The following CDH18 variants were observed in gnomAD, a reference collection of about 807,000 sequenced individuals.
CDH18 encodes the protein cadherin-18.
CDH18 carries 31 observed loss-of-function variants against 67.9 expected under a neutral mutation model. That is an observed-to-expected ratio of 0.46 (90% CI 0.34 to 0.62). The LOEUF (loss-of-function observed/expected upper bound fraction) is 0.62, where lower values mean the gene tolerates loss of function less well. CDH18 is among the 20% of genes least tolerant of loss of function. The pLI, the probability that CDH18 is intolerant of heterozygous loss-of-function variation, is 0.01. For missense variants in CDH18, 890 were observed against 975.5 expected (o/e 0.91, Z 1.17); for synonymous variants, 362 against 347.2 (o/e 1.04, Z -0.48).
chr5:19,901,609 G>T (rs1309695546), intron 2 of CDH18, among the ~76,000 whole-genome samples: 1 of 151,846 alleles, frequency 6.6e-6, no homozygotes, highest in Admixed American at 6.6e-5. Flanking sequence ...ATTTAATAAT[G>T]TTCTAAAAAT....
rs562782979 is a variant in CDH18 at position 20,260,655 on chromosome 5, T to C, written c.-579-5150A>G. 3.3e-5 allele frequency among the ~76,000 whole-genome samples: 5 copies of C among 152,254 alleles called. No homozygotes were observed. In the South Asian group the frequency reaches 1.0e-3, roughly 32 times the overall value. On this transcript the variant is annotated intron_variant, in intron 1 of 14. Transcript: ENST00000507958. ...CATTTTACCTTGAGTGTGGGTAGGA[T>C]CTAAGAATATGATGGGATAGTCAGC...
chr5:20,364,107 C>A (rs1283964917), intron 1 of CDH18, among the ~76,000 whole-genome samples: 1 of 151,964 alleles, frequency 6.6e-6, no homozygotes, highest in South Asian at 2.1e-4. Context: ...CTTTTATTAT[C>A]GTTAATGTTG....
intron 1 of CDH18, among the ~76,000 whole-genome samples, chr5:20,428,138 C>T (rs1412910033): frequency 1.3e-5 from 2 of 150,722 alleles, no homozygotes; most frequent in Non-Finnish European, 2.9e-5. Context: ...ATGTTCCCCT[C>T]CCTGTGTCCA....
At chr5:20,273,649 T>C (rs1358236794) in intron 1 of CDH18, among the ~76,000 whole-genome samples, 1 of 152,062 alleles carries the variant, frequency 6.6e-6, no homozygotes, top group African/African-American at 2.4e-5. Flanking sequence ...CTAAAAAAAA[T>C]ACATATTTTA....
At position 20,172,948 on chromosome 5, in the gene CDH18, C is replaced by A. The variant is rs6881385; in HGVS notation, c.-518+82496G>T. Among the ~76,000 whole-genome samples the A allele has an allele frequency of 5.7e-3, 866 of 150,864 alleles. 9 individuals carry two copies. The highest frequency in any genetic ancestry group is 0.02 in the African/African-American group (830 of 40,950). ...GAGGTTGCAGTGAGCCGAGATCGCA[C>A]CATTTCACTCCAGCCTGGGCAACAA... On this transcript the variant is annotated intron_variant, in intron 2 of 14. Transcript: ENST00000507958.
intron 1 of CDH18, among the ~76,000 whole-genome samples, chr5:20,506,625 T>A (rs1311501993): frequency 1.3e-5 from 2 of 152,176 alleles, no homozygotes; most frequent in Admixed American, 6.5e-5. Context: ...TGAGACACTG[T>A]AAAGTAAGGG....
intron 1 of CDH18, among the ~76,000 whole-genome samples, chr5:20,352,733 C>T (rs1741305710): frequency 1.3e-5 from 2 of 151,630 alleles, no homozygotes; most frequent in Non-Finnish European, 2.9e-5. Flanking sequence ...GCAGAGCTTG[C>T]AGTGAGCCAA....
intron 1 of CDH18, among the ~76,000 whole-genome samples, chr5:20,256,988 C>CTA (rs746507736): frequency 5.6e-4 from 68 of 122,214 alleles, no homozygotes; most frequent in African/African-American, 2.0e-3. Context: ...ATATCTATAT[C>CTA]TATCTATCTA....
chr5:19,848,992 C>T (rs536348566), intron 2 of CDH18, among the ~76,000 whole-genome samples: 1 of 150,856 alleles, frequency 6.6e-6, no homozygotes, highest in African/African-American at 2.4e-5. Flanking sequence ...TATATAAAAG[C>T]TAAGGCTATG....
chr5:19,838,234 G>C (rs1781890435), intron 3 of CDH18, among the ~76,000 whole-genome samples: 1 of 151,668 alleles, frequency 6.6e-6, no homozygotes, highest in African/African-American at 2.4e-5. Context: ...GATTTTAAAG[G>C]CTAAAAGTAC....
In CDH18 at chr5:19,929,930, G is replaced by A. The variant is rs562207344; in HGVS notation, c.-257+51130C>T. Among the ~76,000 whole-genome samples, 47 of 152,150 alleles carry A rather than the reference G, an allele frequency of 3.1e-4. 1 individual carries two copies. The South Asian group carries it at 9.3e-3, about 30-fold the overall frequency. On this transcript the variant is annotated intron_variant, in intron 2 of 12. Coordinates refer to ENST00000382275, the MANE Select transcript of CDH18 (RefSeq NM_004934.5). ...AATGGCTTTCTGCAGCAGGAAAAACGTTGGTTTAGGCTCCTGTAGAGGTTG... is the reference window on the plus strand; with the variant it reads ...AATGGCTTTCTGCAGCAGGAAAAACATTGGTTTAGGCTCCTGTAGAGGTTG...
At chr5:20,172,214 A>ACGTATATATATATATACG (rs796558819) in intron 2 of CDH18, among the ~76,000 whole-genome samples, 7 of 32,856 alleles carry the variant, frequency 2.1e-4, no homozygotes, top group Non-Finnish European at 3.6e-4. Flanking sequence ...ATATATATAT[A>ACGTATATATATATATACG]TATATATATG....
chr5:20,261,291 G>GA (rs1474502684), intron 1 of CDH18, among the ~76,000 whole-genome samples: 1 of 151,692 alleles, frequency 6.6e-6, no homozygotes, highest in Non-Finnish European at 1.5e-5. Flanking sequence ...TAAATTTTTA[G>GA]AAAAAACAAA....
intron 2 of CDH18, among the ~76,000 whole-genome samples, chr5:19,852,944 T>C (rs575937466): frequency 6.6e-6 from 1 of 152,132 alleles, no homozygotes; most frequent in African/African-American, 2.4e-5. Flanking sequence ...ATTGGATGTG[T>C]ACATCAGCAT....
At chr5:20,559,316 G>A (rs1318737459) in intron 1 of CDH18, among the ~76,000 whole-genome samples, 1 of 151,958 alleles carries the variant, frequency 6.6e-6, no homozygotes, top group Non-Finnish European at 1.5e-5. Context: ...ATAATACAAG[G>A]ATTAAATCAA....
At chr5:20,283,109 ATAAAT>A (rs982565457) in intron 1 of CDH18, among the ~76,000 whole-genome samples, 1 of 152,138 alleles carries the variant, frequency 6.6e-6, no homozygotes, top group Non-Finnish European at 1.5e-5. Flanking sequence ...TCTTATCAAA[ATAAAT>A]TAAATACTTA....
chr5:19,725,158 C>T lies in CDH18; in HGVS notation c.524-3692G>A, dbSNP rs1424120271. ...AGCCAGGATAGTCTCGATCTCCTGA[C>T]CTCGTGATCCACCCACCTCGGCCTC... On this transcript the variant is annotated intron_variant, in intron 4 of 12. Coordinates refer to ENST00000382275, the MANE Select transcript of CDH18 (RefSeq NM_004934.5). Among the ~76,000 whole-genome samples the T allele has an allele frequency of 2.6e-5, 4 of 151,994 alleles. No individual in the cohort carries two copies. The East Asian group carries it at 7.9e-4, about 30-fold the overall frequency.
intron 1 of CDH18, among the ~76,000 whole-genome samples, chr5:20,259,309 T>G (rs994227941): frequency 2.0e-5 from 3 of 152,174 alleles, no homozygotes; most frequent in Non-Finnish European, 4.4e-5. Flanking sequence ...AACCATGTAC[T>G]GTCGTTATGC....
intron 3 of CDH18, among the ~76,000 whole-genome samples, chr5:19,782,974 G>C (rs1775301689): frequency 6.6e-6 from 1 of 152,128 alleles, no homozygotes; most frequent in African/African-American, 2.4e-5. Flanking sequence ...TTCACCAAAT[G>C]TCTCTCTACC....
Sources: gnomAD v4.1 joint callset for allele counts (sites outside exome capture counted in the v4.1 genomes callset) on GRCh38, gnomAD v4.1.1 for gene constraint, MANE v1.5 for transcripts, NCBI Gene and HGNC (gene_info 2026-07-23, HGNC 2026-07-21) for gene names.